The following NR2F1-AS1 variants were observed in gnomAD, a reference collection of about 807,000 sequenced individuals.
The protein encoded by NR2F1-AS1 is NR2F1 antisense RNA 1.
At chr5:93,520,317 T>C (rs1751476787) in intron 4 of NR2F1-AS1, among the ~76,000 whole-genome samples, 1 of 152,126 alleles carries the variant, frequency 6.6e-6, no homozygotes, top group South Asian at 2.1e-4. Flanking sequence ...TATTGTGCTC[T>C]TTTTGAAGAA....
intron 4 of NR2F1-AS1, among the ~76,000 whole-genome samples, chr5:93,518,865 T>C (rs1751447281): frequency 6.6e-6 from 1 of 152,174 alleles, no homozygotes; most frequent in East Asian, 1.9e-4. Context: ...CCTTCAGGCT[T>C]CCTAAGATGT....
intron 4 of NR2F1-AS1, among the ~76,000 whole-genome samples, chr5:93,505,752 G>A (rs1472270503): frequency 3.9e-5 from 6 of 152,192 alleles, no homozygotes; most frequent in Non-Finnish European, 1.5e-5. Flanking sequence ...CACACAGCAT[G>A]GGGACCCTGG....
intron 4 of NR2F1-AS1, among the ~76,000 whole-genome samples, chr5:93,443,431 G>A (rs1212346796): frequency 6.6e-6 from 1 of 152,172 alleles, no homozygotes; most frequent in Non-Finnish European, 1.5e-5. Flanking sequence ...ATTCGTTCAA[G>A]TGGAAGAAAG....
chr5:93,568,788 C>T (rs1055967598), intron 1 of NR2F1-AS1, among the ~76,000 whole-genome samples: 1 of 152,028 alleles, frequency 6.6e-6, no homozygotes, highest in Non-Finnish European at 1.5e-5. Flanking sequence ...TACATTGTTG[C>T]TGCTACTGAT....
At chr5:93,521,016 A>C (rs1751490141) in intron 4 of NR2F1-AS1, among the ~76,000 whole-genome samples, 1 of 152,150 alleles carries the variant, frequency 6.6e-6, no homozygotes, top group African/African-American at 2.4e-5. Flanking sequence ...TGGTTCAAAA[A>C]AAGTGCATAG....
At chr5:93,428,978 A>G (rs892367259) in intron 4 of NR2F1-AS1, among the ~76,000 whole-genome samples, 1 of 152,162 alleles carries the variant, frequency 6.6e-6, no homozygotes, top group African/African-American at 2.4e-5. Flanking sequence ...AACAAATAAT[A>G]TTATGGCTTT....
intron 4 of NR2F1-AS1, among the ~76,000 whole-genome samples, chr5:93,464,060 A>G (rs1313118105): frequency 6.6e-6 from 1 of 152,144 alleles, no homozygotes; most frequent in Non-Finnish European, 1.5e-5. Context: ...AGGTGGAATG[A>G]TATGGTTTGG....
intron 4 of NR2F1-AS1, chr5:93,410,778 T>C (rs1364634651): frequency 1.3e-5 from 2 of 152,016 alleles, no homozygotes; most frequent in African/African-American, 4.8e-5. Flanking sequence ...CCACAAGCAA[T>C]ATATTTTTCC....
intron 4 of NR2F1-AS1, among the ~76,000 whole-genome samples, chr5:93,460,356 A>C (rs1750062339): frequency 6.6e-6 from 1 of 152,204 alleles, no homozygotes. Context: ...AACAAATGGC[A>C]GTCTCAGGGA....
intron 4 of NR2F1-AS1, among the ~76,000 whole-genome samples, chr5:93,480,075 G>T (rs1174020776): frequency 6.6e-6 from 1 of 151,964 alleles, no homozygotes; most frequent in Non-Finnish European, 1.5e-5. Context: ...CACATTATGG[G>T]TTACAGAAAC....
chr5:93,565,035 T>G (rs917623635), intron 1 of NR2F1-AS1, among the ~76,000 whole-genome samples: 3 of 151,956 alleles, frequency 2.0e-5, no homozygotes, highest in African/African-American at 4.8e-5. Context: ...CTCTATTCTC[T>G]CTCCTCACTC....
intron 4 of NR2F1-AS1, among the ~76,000 whole-genome samples, chr5:93,422,099 A>C (rs1195604000): frequency 6.6e-6 from 1 of 152,216 alleles, no homozygotes; most frequent in Non-Finnish European, 1.5e-5. Flanking sequence ...ATCTTTGAAC[A>C]TCTGACGAGG....
intron 1 of NR2F1-AS1, among the ~76,000 whole-genome samples, chr5:93,573,168 C>A (rs931823606): frequency 6.6e-6 from 1 of 152,236 alleles, no homozygotes; most frequent in Non-Finnish European, 1.5e-5. Flanking sequence ...AGCTCCCTGC[C>A]GAAGGCCCAG....
At chr5:93,574,519 GA>G (rs1487554905) in intron 1 of NR2F1-AS1, among the ~76,000 whole-genome samples, 1 of 152,092 alleles carries the variant, frequency 6.6e-6, no homozygotes, top group East Asian at 1.9e-4. Flanking sequence ...CGCCAAAACA[GA>G]AAAGTTCTGA....
At chr5:93,430,718 A>G (rs569533451) in intron 4 of NR2F1-AS1, among the ~76,000 whole-genome samples, 8 of 152,186 alleles carry the variant, frequency 5.3e-5, no homozygotes, top group Non-Finnish European at 8.8e-5. Context: ...TAATAGAAAC[A>G]GGTTTCTAAA....
intron 4 of NR2F1-AS1, among the ~76,000 whole-genome samples, chr5:93,436,192 T>A (rs1398611385): frequency 6.6e-6 from 1 of 152,198 alleles, no homozygotes; most frequent in Non-Finnish European, 1.5e-5. Context: ...CCCAAGTGTT[T>A]TAAAAAACAA....
chr5:93,475,900 T>C (rs1467899914), intron 4 of NR2F1-AS1, among the ~76,000 whole-genome samples: 2 of 152,214 alleles, frequency 1.3e-5, no homozygotes, highest in Non-Finnish European at 2.9e-5. Flanking sequence ...GTTTCAGATT[T>C]TACACTGTCT....
chr5:93,521,993 G>T (rs765463852), intron 4 of NR2F1-AS1, among the ~76,000 whole-genome samples: 34 of 152,118 alleles, frequency 2.2e-4, no homozygotes, highest in Non-Finnish European at 5.9e-5. Flanking sequence ...TAAAGAAAAT[G>T]TGGTACATAT....
intron 4 of NR2F1-AS1, among the ~76,000 whole-genome samples, chr5:93,464,112 C>G (rs1750164519): frequency 6.6e-6 from 1 of 152,148 alleles, no homozygotes; most frequent in Admixed American, 6.5e-5. Context: ...GTAACTCCCA[C>G]AATTTCAACA....
Sources: allele counts gnomAD v4.1 joint callset (sites outside exome capture counted in the v4.1 genomes callset), GRCh38; gene constraint gnomAD v4.1.1; transcripts MANE v1.5; gene names NCBI Gene and HGNC (gene_info 2026-07-23, HGNC 2026-07-21).